Variants in MELTF observed in about 807,000 individuals in gnomAD.
The protein encoded by MELTF is antigen p97 (melanoma associated) identified by monoclonal antibodies 133.2 and 96.5.
Under a neutral mutation model 83.7 loss-of-function variants are expected in MELTF, and 67 were observed. That is an observed-to-expected ratio of 0.80 (90% CI 0.66 to 0.98). The LOEUF is 0.98. Among genes scored for constraint, MELTF ranks in the 50% least tolerant of loss-of-function variants. The pLI, the probability that MELTF is intolerant of heterozygous loss-of-function variation, is 0.00. For missense variants in MELTF, 1,002 were observed against 1,035.6 expected (o/e 0.97, Z 0.44); for synonymous variants, 462 against 447.6 (o/e 1.03, Z -0.41).
intron 9 of MELTF, among the ~76,000 whole-genome samples, chr3:197,014,067 C>T (rs1320299654): frequency 6.6e-6 from 1 of 152,188 alleles, no homozygotes; most frequent in African/African-American, 2.4e-5. Context: ...CCATGTTTAT[C>T]GCAGCACTGG....
chr3:197,029,637 T>TCACAGCCTGG lies in MELTF; in HGVS notation c.49+16_49+17insCCAGGCTGTG. ...CGGGACCCCCGCCCGCCTTTGGCTC[T>TCACAGCCTGG]CACAGCGGGGCCTCACCGGTGCGCA... On this transcript the variant is annotated intron_variant, in intron 1 of 15. Coordinates refer to ENST00000296350, the MANE Select transcript of MELTF (RefSeq NM_005929.6). The surrounding 1 kb of genome is among the most constrained non-coding windows in gnomAD (Gnocchi z 6.5). 1 of 1,243,602 alleles carries TCACAGCCTGG rather than the reference T, an allele frequency of 8.0e-7. No individual in the cohort carries two copies. The allele number at this position is 1,243,602 out of a possible 1,614,324, so 77.0% of individuals were successfully genotyped here. A position where few individuals can be genotyped will look rare whatever the true frequency, so the allele number is the denominator to read the frequency against.
rs1185070160 is a variant in MELTF at position 197,002,908 on chromosome 3, T to C, written c.*464A>G. 1 of 151,850 alleles carries C rather than the reference T, an allele frequency of 6.6e-6. No individual in the cohort carries two copies. The highest frequency in any genetic ancestry group is 2.4e-5 in the African/African-American group (1 of 41,410). 9.4% of individuals were successfully genotyped at this position (151,850 alleles called of 1,614,324 possible). A position where few individuals can be genotyped will look rare whatever the true frequency, so the allele number is the denominator to read the frequency against. ...TCCCGCCGCCGCCAGCAGAGGCCGC[T>C]GTCCCACGCGCCGGGTCCCGTTGGC... On this transcript the variant is annotated 3_prime_UTR_variant, in exon 16 of 16. Coordinates refer to ENST00000296350, the MANE Select transcript of MELTF (RefSeq NM_005929.6).
At chr3:197,017,740 G>A (rs1235353070) in intron 6 of MELTF, among the ~76,000 whole-genome samples, 5 of 152,142 alleles carry the variant, frequency 3.3e-5, no homozygotes, top group South Asian at 2.1e-4. Context: ...AGCTGGGCGT[G>A]GTGGCGGGCG....
chr3:197,009,985 C>T (rs1719130263), intron 10 of MELTF, among the ~76,000 whole-genome samples, 173 bp from the exon 11 acceptor site: 3 of 152,236 alleles, frequency 2.0e-5, no homozygotes, highest in African/African-American at 4.8e-5. Flanking sequence ...AGCGGGGGCC[C>T]CTGCCTGCGT....
chr3:197,006,848 C>G lies in MELTF; in HGVS notation c.1751-112G>C. 5 of 990,686 alleles carry G rather than the reference C, an allele frequency of 5.0e-6. No homozygotes were observed. The highest frequency in any genetic ancestry group is 7.0e-6 in the Non-Finnish European group (5 of 718,220). 61.4% of individuals were successfully genotyped at this position (990,686 alleles called of 1,614,324 possible). A position where few individuals can be genotyped will look rare whatever the true frequency, so the allele number is the denominator to read the frequency against. ...CTTCACCACAGGGAGGTGGCAACAT[C>G]TGGCCAGCTCCCCAACCCTCTCCAT... is the stretch of plus-strand genomic sequence containing the variant. On this transcript the variant is annotated intron_variant, in intron 13 of 15. Transcript: ENST00000296350. This position sits in a 1 kb window ranked among gnomAD's most constrained non-coding sequence, Gnocchi z 5.4.
rs372026338 is a variant in MELTF at position 197,008,820 on chromosome 3, G to A, written c.1671C>T (p.Arg557=). ...GGCCACCCGGGTACCTGAAGGCGCC[G>A]CGGTAGCCGTAATACCGCTCCTGGC... ...GNSQERYYGY[R]GAFRCLVENA... is the part of the protein sequence containing the mutation. The change falls in exon 12 of 16, where the codon CGC becomes CGT. Residue 557 remains arginine, a synonymous_variant. Transcript: ENST00000296350. The surrounding 1 kb of genome is among the most constrained non-coding windows in gnomAD (Gnocchi z 5.4). The A allele has an allele frequency of 2.5e-5, 40 of 1,614,140 alleles. No individual in the cohort carries two copies. Among genetic ancestry groups the A allele is most frequent in the African/African-American group, 2.0e-4 (15 of 75,046 alleles).
chr3:197,017,147 C>T lies in MELTF; in HGVS notation c.856G>A (p.Asp286Asn), dbSNP rs367573038. Reference protein sequence around the residue: ...VPAHAVVVRADTDGGLIFRLL... With the variant: ...VPAHAVVVRANTDGGLIFRLL... Reference sequence around the variant, plus strand: ...CGGAAGATGAGGCCCCCATCTGTGTCGGCCCGGACCACCACGGCGTGAGCA... The same window carrying T: ...CGGAAGATGAGGCCCCCATCTGTGTTGGCCCGGACCACCACGGCGTGAGCA... The change falls in exon 7 of 16, where the codon GAC (aspartate) becomes AAC (asparagine). Residue 286 changes from aspartate (D) to asparagine (N), a missense_variant. Transcript: ENST00000296350. 4.5e-5 allele frequency: 72 copies of T among 1,612,062 alleles called. No individual in the cohort carries two copies. The Middle Eastern group carries it at 8.2e-4, about 18-fold the overall frequency.
chr3:197,012,014 TAAAG>T (rs1216928093), intron 9 of MELTF, among the ~76,000 whole-genome samples: 1 of 152,092 alleles, frequency 6.6e-6, no homozygotes, highest in Non-Finnish European at 1.5e-5. Flanking sequence ...CATTAGGAAA[TAAAG>T]ACCCTCCCAA....
At chr3:197,021,305 T>C in intron 6 of MELTF, 99 bp downstream of exon 6, 1 of 1,128,546 alleles carries the variant, frequency 8.9e-7, no homozygotes, top group South Asian at 1.3e-5. Flanking sequence ...AGCACTGCAC[T>C]AGGGCGTTTG....
rs746576818 is a variant in MELTF, at chr3:197,024,398, T to A, written c.392A>T (p.His131Leu). Residue 131 changes from histidine (H) to leucine (L), a missense_variant, in exon 4 of 16, where the codon CAC (histidine) becomes CTC (leucine). Physicochemically the swap from His to Leu is moderately conservative, Grantham distance 99. Transcript: ENST00000296350. The surrounding 1 kb of genome is among the most constrained non-coding windows in gnomAD (Gnocchi z 5.3). ...IDTLKGVKSC[H>L]TGINRTVGWN... is the part of the protein sequence containing the mutation. ...GCCCACTGTGCGATTGATGCCCGTGTGGCAGGACTTCACGCCTTTCAGGGT... is the reference window on the plus strand; with the variant it reads ...GCCCACTGTGCGATTGATGCCCGTGAGGCAGGACTTCACGCCTTTCAGGGT... 3 of 1,610,844 alleles carry A rather than the reference T, an allele frequency of 1.9e-6. No homozygotes were observed. Among genetic ancestry groups the A allele is most frequent in the Non-Finnish European group, 2.5e-6 (3 of 1,178,416 alleles).
intron 10 of MELTF, among the ~76,000 whole-genome samples, chr3:197,010,229 C>T (rs536705249): frequency 6.6e-6 from 1 of 152,302 alleles, no homozygotes. Flanking sequence ...AGTAAGAGGA[C>T]AGAGGCCAAA....
rs893678874 is a variant in MELTF at position 197,004,165 on chromosome 3, C to T, written c.1939-66G>A. ...TCAGGCAGGGTCACCCGCCCAGTGC[C>T]GCTAGCTGCAAATTGCTTTACATAC... On this transcript the variant is annotated intron_variant, in intron 14 of 15. Coordinates refer to ENST00000296350, the MANE Select transcript of MELTF (RefSeq NM_005929.6). 150 of 1,477,574 alleles carry T rather than the reference C, an allele frequency of 1.0e-4. No homozygotes were observed. The South Asian group carries it at 1.2e-3, about 12-fold the overall frequency. 91.5% of individuals were successfully genotyped at this position (1,477,574 alleles called of 1,614,324 possible). A position where few individuals can be genotyped will look rare whatever the true frequency, so the allele number is the denominator to read the frequency against.
At chr3:197,013,737 A>G (rs1719263137) in intron 9 of MELTF, among the ~76,000 whole-genome samples, 1 of 152,258 alleles carries the variant, frequency 6.6e-6, no homozygotes, top group Admixed American at 6.5e-5. Context: ...TCAAAAGAAG[A>G]CATACAAAAT....
chr3:197,008,728 C>G lies in MELTF; in HGVS notation c.1683-4G>C. 6.2e-7 allele frequency: 1 copy of G among 1,614,102 alleles called. No individual in the cohort carries two copies. Among genetic ancestry groups the G allele is most frequent in the East Asian group, 2.2e-5 (1 of 44,874 alleles). On this transcript the variant is annotated splice_polypyrimidine_tract_variant and splice_region_variant and intron_variant, in intron 12 of 15. Coordinates refer to ENST00000296350, the MANE Select transcript of MELTF (RefSeq NM_005929.6). This position sits in a 1 kb window ranked among gnomAD's most constrained non-coding sequence, Gnocchi z 5.4. The stretch of plus-strand genomic sequence containing the variant: ...ACCCGCATTCTCCACCAGGCACCTG[C>G]CACACAGAGGGCAGGGCAGGCGTCG...
intron 6 of MELTF, among the ~76,000 whole-genome samples, chr3:197,017,957 C>T (rs1008324462): frequency 3.3e-5 from 5 of 152,152 alleles, no homozygotes; most frequent in African/African-American, 7.2e-5. Flanking sequence ...TGAGGCACTG[C>T]GTTTGGCTCT....
At chr3:197,020,200 A>G (rs1719564335) in intron 6 of MELTF, among the ~76,000 whole-genome samples, 1 of 152,240 alleles carries the variant, frequency 6.6e-6, no homozygotes, top group South Asian at 2.1e-4. Flanking sequence ...AAAGACTGAG[A>G]AACTGTTCCA....
intron 10 of MELTF, 101 bp downstream of exon 10, chr3:197,010,597 A>G (rs1263724012): frequency 8.3e-6 from 8 of 958,974 alleles, no homozygotes; most frequent in Middle Eastern, 2.2e-4. Context: ...CCCAGGAGAG[A>G]GGCATGGAGC....
chr3:197,027,035 G>A (rs9824612), intron 2 of MELTF: 103,859 of 434,952 alleles, frequency 0.24, 14,914 homozygotes, highest in African/African-American at 0.5. Context: ...AGCAGAAAAC[G>A]GTGCGCAGTG....
intron 4 of MELTF, chr3:197,023,925 T>C (rs1054221298): frequency 1.2e-5 from 6 of 480,212 alleles, no homozygotes; most frequent in African/African-American, 9.8e-5. Context: ...AAAAATAGCA[T>C]TTCTGGTCCT....
Sources: allele counts gnomAD v4.1 joint callset (sites outside exome capture counted in the v4.1 genomes callset), GRCh38; gene constraint gnomAD v4.1.1; non-coding constraint Gnocchi (gnomAD v3.1); transcripts MANE v1.5; gene names NCBI Gene and HGNC (gene_info 2026-07-23, HGNC 2026-07-21).